CADM2: variants seen among roughly 807,000 people sequenced by gnomAD.
The protein encoded by CADM2 is cell adhesion molecule 2, also known as immunoglobulin superfamily member 4D.
In CADM2, 12 loss-of-function variants were observed where a neutral mutation model predicts 49.8. That is an observed-to-expected ratio of 0.24 (90% confidence interval 0.15 to 0.39). The LOEUF (loss-of-function observed/expected upper bound fraction) is 0.39, where lower values mean the gene tolerates loss of function less well. Ranked by LOEUF, CADM2 falls within the 10% of genes least tolerant of loss-of-function variation. The pLI, the probability that CADM2 is intolerant of heterozygous loss-of-function variation, is 1.00. For missense variants in CADM2, 378 were observed against 492.3 expected, an observed-to-expected ratio of 0.77 and a Z score of 2.20; for synonymous variants, 214 against 175.4, an observed-to-expected ratio of 1.22 and a Z score of -1.74.
intron 5 of CADM2, among the ~76,000 whole-genome samples, chr3:85,901,738 A>G (rs1051117021): frequency 1.3e-5 from 2 of 152,132 alleles, no homozygotes; most frequent in African/African-American, 2.4e-5. Flanking sequence ...TCTCACCACA[A>G]TCAATTTCAA....
intron 1 of CADM2, among the ~76,000 whole-genome samples, chr3:85,154,593 A>G (rs979497070): frequency 1.3e-5 from 2 of 151,754 alleles, no homozygotes; most frequent in Admixed American, 6.6e-5. Flanking sequence ...AGAGAACCCC[A>G]CAAAGATACT....
chr3:85,380,641 C>A (rs1252532146), intron 1 of CADM2, among the ~76,000 whole-genome samples: 1 of 151,508 alleles, frequency 6.6e-6, no homozygotes. Context: ...TATGTTTATC[C>A]AATTAAATGA....
chr3:85,055,095 A>G (rs1326620988), intron 1 of CADM2, among the ~76,000 whole-genome samples: 2 of 151,886 alleles, frequency 1.3e-5, no homozygotes, highest in African/African-American at 2.4e-5. Flanking sequence ...TACTTCTGCC[A>G]TGACCCCACA....
intron 1 of CADM2, among the ~76,000 whole-genome samples, chr3:85,269,867 G>A (rs1490854502): frequency 1.3e-5 from 2 of 150,890 alleles, no homozygotes; most frequent in African/African-American, 4.9e-5. Context: ...TATCTTTGTT[G>A]TTGTCACTTT....
At chr3:85,294,823 A>C (rs556276693) in intron 1 of CADM2, among the ~76,000 whole-genome samples, 1 of 152,312 alleles carries the variant, frequency 6.6e-6, no homozygotes, top group South Asian at 2.1e-4. Context: ...GTTAGACCTA[A>C]AACCATAAAA....
chr3:85,849,304 A>G (rs2075002687), intron 3 of CADM2, among the ~76,000 whole-genome samples: 1 of 152,242 alleles, frequency 6.6e-6, no homozygotes, highest in Non-Finnish European at 1.5e-5. Context: ...CAACAATAAT[A>G]ACCTCATGAT....
chr3:85,197,143 G>A (rs2041363421), intron 1 of CADM2, among the ~76,000 whole-genome samples: 1 of 151,774 alleles, frequency 6.6e-6, no homozygotes, highest in Non-Finnish European at 1.5e-5. Context: ...AGAATCAAAT[G>A]TATTGTGCCT....
intron 1 of CADM2, among the ~76,000 whole-genome samples, chr3:85,160,003 G>C (rs967220048): frequency 2.6e-5 from 4 of 152,042 alleles, no homozygotes; most frequent in African/African-American, 9.7e-5. Context: ...GTTTTATGAT[G>C]ATTAGAACAC....
chr3:85,520,747 AAATG>A (rs1254740843), intron 1 of CADM2, among the ~76,000 whole-genome samples: 1 of 152,086 alleles, frequency 6.6e-6, no homozygotes, highest in Admixed American at 6.6e-5. Flanking sequence ...TTAATTAAAA[AAATG>A]AAAGTGAACC....
intron 1 of CADM2, among the ~76,000 whole-genome samples, chr3:85,109,941 C>G (rs769429962): frequency 6.6e-6 from 1 of 151,850 alleles, no homozygotes; most frequent in Non-Finnish European, 1.5e-5. Context: ...TATCAAAACG[C>G]TTGTCAAAGA....
intron 8 of CADM2, among the ~76,000 whole-genome samples, chr3:85,990,009 T>C (rs1458649961): frequency 9.2e-5 from 2 of 21,660 alleles, no homozygotes; most frequent in Non-Finnish European, 1.7e-4. Context: ...AGAAACTCCA[T>C]GTCCAAAAAA....
intron 1 of CADM2, among the ~76,000 whole-genome samples, chr3:85,191,603 G>T (rs898549995): frequency 6.6e-6 from 1 of 152,092 alleles, no homozygotes; most frequent in Non-Finnish European, 1.5e-5. Flanking sequence ...CAGTCACAGT[G>T]TCTAATGTAA....
At chr3:85,997,136 A>T (rs1439610707) in intron 8 of CADM2, among the ~76,000 whole-genome samples, 1 of 152,218 alleles carries the variant, frequency 6.6e-6, no homozygotes, top group Non-Finnish European at 1.5e-5. Context: ...TGTTTTGTTT[A>T]AATTATATTT....
chr3:85,089,723 C>T (rs775087310), intron 1 of CADM2, among the ~76,000 whole-genome samples: 66 of 151,870 alleles, frequency 4.3e-4, no homozygotes, highest in African/African-American at 1.4e-3. Context: ...ACTTTCTGTA[C>T]GAAAAACAAG....
Position 84,959,994 on chromosome 3 carries a change from G to A in CADM2, c.61+326G>A. 3 of 464,762 alleles carry A rather than the reference G, an allele frequency of 6.5e-6. No homozygotes were observed. The South Asian group carries it at 9.0e-5, about 14-fold the overall frequency. 28.8% of individuals were successfully genotyped at this position (464,762 alleles called of 1,614,324 possible). On this transcript the variant is annotated intron_variant, in intron 1 of 9. Coordinates refer to ENST00000383699, the MANE Select transcript of CADM2 (RefSeq NM_001167675.2). The stretch of plus-strand genomic sequence containing the variant: ...TTTGGCTGGCAACTTGTGCCTCTCT[G>A]AACATTCCACCCTCCCGACAACCCC...
intron 1 of CADM2, among the ~76,000 whole-genome samples, chr3:85,473,514 C>T (rs1201991107): frequency 2.0e-5 from 3 of 151,994 alleles, no homozygotes; most frequent in African/African-American, 4.8e-5. Flanking sequence ...TTTCTGGAAG[C>T]GCTTTGCTTT....
At chr3:85,790,876 G>A (rs920751174) in intron 2 of CADM2, among the ~76,000 whole-genome samples, 2 of 152,180 alleles carry the variant, frequency 1.3e-5, no homozygotes, top group African/African-American at 4.8e-5. Context: ...ACTGGCAAGC[G>A]GCACCAGACT....
chr3:85,781,993 C>T (rs1305689687), intron 2 of CADM2, among the ~76,000 whole-genome samples: 1 of 152,200 alleles, frequency 6.6e-6, no homozygotes, highest in Non-Finnish European at 1.5e-5. Flanking sequence ...TGCTTTGCTA[C>T]TTTGCTCAAA....
intron 3 of CADM2, among the ~76,000 whole-genome samples, chr3:85,852,569 A>T (rs1365829052): frequency 1.3e-5 from 2 of 152,118 alleles, no homozygotes; most frequent in African/African-American, 4.8e-5. Context: ...AACAGGAAAT[A>T]TTGAGAGAAA....
Sources: allele counts gnomAD v4.1 joint callset (sites outside exome capture counted in the v4.1 genomes callset), GRCh38; gene constraint gnomAD v4.1.1; transcripts MANE v1.5; gene names NCBI Gene and HGNC (gene_info 2026-07-23, HGNC 2026-07-21).